RBMS3: variants seen among roughly 807,000 people sequenced by gnomAD.
RBMS3 encodes RNA binding motif single stranded interacting protein 3.
A neutral mutation model predicts 66.8 loss-of-function variants in RBMS3; 27 were observed. The ratio of observed to expected loss-of-function variants is 0.40; its 90% CI spans 0.30 to 0.56. RBMS3 has a LOEUF of 0.56. Ranked by LOEUF, RBMS3 falls within the 20% of genes least tolerant of loss-of-function variation. The pLI, the probability that RBMS3 is intolerant of heterozygous loss-of-function variation, is 0.40. For missense variants in RBMS3, 513 were observed against 549.5 expected (o/e 0.93, Z 0.66); for synonymous variants, 188 against 183.0 (o/e 1.03, Z -0.22).
At chr3:29,655,667 T>G (rs1342797799) in intron 4 of RBMS3, among the ~76,000 whole-genome samples, 3 of 152,236 alleles carry the variant, frequency 2.0e-5, no homozygotes, top group African/African-American at 4.8e-5. Flanking sequence ...ATTATGTTAT[T>G]GGTTGACATA....
rs796960109 is a variant in RBMS3, at chr3:29,335,610, T to G, written c.75+53854T>G. On this transcript the variant is annotated intron_variant, in intron 1 of 14. Coordinates refer to ENST00000383767, the MANE Select transcript of RBMS3 (RefSeq NM_001003793.3). ...GCCAAAGCTCTTCTAAGCACTCTACTGCTACTTAATGTATTTGGTATGTGG... is the reference window on the plus strand; with the variant it reads ...GCCAAAGCTCTTCTAAGCACTCTACGGCTACTTAATGTATTTGGTATGTGG... Among the ~76,000 whole-genome samples, 21 of 152,320 alleles carry G rather than the reference T, an allele frequency of 1.4e-4. 1 individual carries two copies. The highest frequency in any genetic ancestry group is 4.8e-4 in the African/African-American group (20 of 41,578).
At chr3:29,654,121 T>A (rs1393160405) in intron 4 of RBMS3, among the ~76,000 whole-genome samples, 7 of 152,200 alleles carry the variant, frequency 4.6e-5, no homozygotes, top group Admixed American at 3.3e-4. Context: ...CTGCCCTTTC[T>A]TTTTTAACAG....
chr3:29,503,696 T>C (rs566774731), intron 3 of RBMS3, among the ~76,000 whole-genome samples: 1 of 152,138 alleles, frequency 6.6e-6, no homozygotes, highest in South Asian at 2.1e-4. Context: ...AAGGCAGTCA[T>C]TTCATATTTG....
chr3:29,799,890 T>C (rs985846096), intron 6 of RBMS3, among the ~76,000 whole-genome samples: 19 of 152,296 alleles, frequency 1.2e-4, no homozygotes, highest in African/African-American at 4.3e-4. Flanking sequence ...TTTAGTTATA[T>C]CAGCAAATAG....
intron 1 of RBMS3, among the ~76,000 whole-genome samples, chr3:29,396,191 TCCAG>T (rs150024280): frequency 0.012 from 1,839 of 152,218 alleles, 45 homozygotes; most frequent in African/African-American, 0.041. Flanking sequence ...TTATGTATGT[TCCAG>T]CCACGAATCA....
intron 10 of RBMS3, 128 bp downstream of exon 10, chr3:29,899,883 G>A (rs1167190873): frequency 1.4e-5 from 12 of 828,128 alleles, no homozygotes; most frequent in African/African-American, 3.5e-5. Context: ...ATATTCTCCA[G>A]ATAAAAAGCT....
intron 6 of RBMS3, among the ~76,000 whole-genome samples, chr3:29,822,440 C>T (rs951358552): frequency 1.3e-5 from 2 of 152,086 alleles, no homozygotes; most frequent in Non-Finnish European, 2.9e-5. Flanking sequence ...AAAGAAAGTG[C>T]ATTAAAACAT....
intron 1 of RBMS3, among the ~76,000 whole-genome samples, chr3:29,294,056 G>A (rs2033046980): frequency 6.6e-6 from 1 of 151,728 alleles, no homozygotes. Flanking sequence ...AACAGTCTGA[G>A]AACTGGGACC....
intron 6 of RBMS3, among the ~76,000 whole-genome samples, chr3:29,825,586 C>T (rs773786912): frequency 4.6e-5 from 7 of 152,196 alleles, no homozygotes; most frequent in East Asian, 1.9e-4. Flanking sequence ...TCTTGCCTGC[C>T]GCCATGTAAG....
chr3:29,747,386 GTAGGTAGA>G (rs1262994397), intron 5 of RBMS3, among the ~76,000 whole-genome samples: 2,635 of 140,312 alleles, frequency 0.019, 21 homozygotes, highest in Non-Finnish European at 0.028. Context: ...AGGTAGGTAG[GTAGGTAGA>G]TAGATAGATA....
chr3:29,340,307 C>G (rs2036210654), intron 1 of RBMS3, among the ~76,000 whole-genome samples: 1 of 152,106 alleles, frequency 6.6e-6, no homozygotes, highest in Admixed American at 6.6e-5. Flanking sequence ...CAGTTTCATG[C>G]CCATGAAGCT....
At chr3:29,687,828 T>C (rs571356685) in intron 4 of RBMS3, among the ~76,000 whole-genome samples, 1 of 152,288 alleles carries the variant, frequency 6.6e-6, no homozygotes, top group African/African-American at 2.4e-5. Context: ...TAAAATAATA[T>C]CCTACCTATT....
intron 14 of RBMS3, 120 bp downstream of exon 14, chr3:29,991,329 T>C: frequency 1.3e-6 from 2 of 1,497,030 alleles, no homozygotes; most frequent in Non-Finnish European, 1.8e-6. Flanking sequence ...GCAACAGGCA[T>C]TTATTTAGCT....
At chr3:29,799,941 A>G (rs1307024350) in intron 6 of RBMS3, among the ~76,000 whole-genome samples, 1 of 152,196 alleles carries the variant, frequency 6.6e-6, no homozygotes, top group Admixed American at 6.5e-5. Flanking sequence ...CTCTTTTCCC[A>G]CAGCCTTTGT....
chr3:29,998,178 G>T (rs1699375982), intron 14 of RBMS3, among the ~76,000 whole-genome samples: 1 of 152,126 alleles, frequency 6.6e-6, no homozygotes, highest in Non-Finnish European at 1.5e-5. Context: ...GCTTCAAAGA[G>T]AATAAAATAC....
intron 1 of RBMS3, among the ~76,000 whole-genome samples, chr3:29,432,121 A>G (rs1389675865): frequency 1.3e-5 from 2 of 152,178 alleles, no homozygotes; most frequent in Non-Finnish European, 2.9e-5. Flanking sequence ...CTCGCTGCAT[A>G]TGAGATGGTA....
intron 5 of RBMS3, among the ~76,000 whole-genome samples, chr3:29,745,457 G>A (rs1199643538): frequency 6.6e-6 from 1 of 152,096 alleles, no homozygotes; most frequent in African/African-American, 2.4e-5. Flanking sequence ...CCAGAGTCTG[G>A]AGGGCCATGA....
At position 29,281,395 on chromosome 3, in the gene RBMS3, AC is replaced by A. The variant is rs2031759186; in HGVS notation, c.-283del. On this transcript the variant is annotated 5_prime_UTR_variant, in exon 1 of 15. Transcript: ENST00000383767. ...GAACAAACTGCCTCATCCCAAGTGG[AC>A]CCCGGCAGCTGGGGGAAGCCAGGCA... is the stretch of plus-strand genomic sequence containing the variant. 1 of 475,220 alleles carries A rather than the reference AC, an allele frequency of 2.1e-6. No homozygotes were observed. The highest frequency in any genetic ancestry group is 2.1e-5 in the African/African-American group (1 of 48,652). 29.4% of individuals were successfully genotyped at this position (475,220 alleles called of 1,614,324 possible). A position where few individuals can be genotyped will look rare whatever the true frequency, so the allele number is the denominator to read the frequency against.
At chr3:29,616,870 A>G (rs569014193) in intron 4 of RBMS3, 1 of 152,310 alleles carries the variant, frequency 6.6e-6, no homozygotes, top group South Asian at 2.1e-4. Flanking sequence ...TTCAATAGTA[A>G]AGCCAAAAAA....
Sources: gnomAD v4.1 joint callset for allele counts (sites outside exome capture counted in the v4.1 genomes callset) on GRCh38, gnomAD v4.1.1 for gene constraint, MANE v1.5 for transcripts, NCBI Gene and HGNC (gene_info 2026-07-23, HGNC 2026-07-21) for gene names.